GRID1: variants seen among roughly 807,000 people sequenced by gnomAD.
GRID1 encodes the protein glutamate receptor ionotropic, delta-1.
In GRID1, 28 loss-of-function variants were observed where a neutral mutation model predicts 98.0. The observed-to-expected ratio is 0.29, with a 90% CI of 0.21 to 0.39. The LOEUF (loss-of-function observed/expected upper bound fraction) is 0.39, where lower values mean the gene tolerates loss of function less well. GRID1 is among the 10% of genes least tolerant of loss of function. The pLI, the probability that GRID1 is intolerant of heterozygous loss-of-function variation, is 1.00. For synonymous variants in GRID1, 553 were observed against 538.5 expected, an observed-to-expected ratio of 1.03 and a Z score of -0.37; for missense variants, 1,111 against 1,340.5, an observed-to-expected ratio of 0.83 and a Z score of 2.67.
intron 12 of GRID1, among the ~76,000 whole-genome samples, chr10:85,659,188 T>C (rs1052368994): frequency 6.6e-6 from 1 of 152,212 alleles, no homozygotes; most frequent in Non-Finnish European, 1.5e-5. Context: ...TGTGTGTGCA[T>C]GCATAAATGT....
At chr10:86,086,636 A>G (rs1047612347) in intron 4 of GRID1, among the ~76,000 whole-genome samples, 1 of 152,034 alleles carries the variant, frequency 6.6e-6, no homozygotes, top group African/African-American at 2.4e-5. Context: ...GTGTGCAAGC[A>G]TGTGTGTGCA....
At chr10:85,751,984 G>A (rs187325038) in intron 8 of GRID1, among the ~76,000 whole-genome samples, 218 of 152,262 alleles carry the variant, frequency 1.4e-3, no homozygotes, top group African/African-American at 5.0e-3. Context: ...CTGCTAGTCA[G>A]CCTACTCTGA....
chr10:86,098,404 A>AGGATCCTCTATAACTT (rs1481065551), intron 4 of GRID1, among the ~76,000 whole-genome samples: 1 of 152,222 alleles, frequency 6.6e-6, no homozygotes. Flanking sequence ...CGGTCCCTGC[A>AGGATCCTCTATAACTT]GGATCCTCTA....
chr10:85,744,568 A>G (rs972639891), intron 8 of GRID1, among the ~76,000 whole-genome samples: 1 of 133,398 alleles, frequency 7.5e-6, no homozygotes, highest in Non-Finnish European at 1.6e-5. Context: ...ACAAAAATCA[A>G]TTCAAGATGG....
chr10:85,695,926 T>C (rs4488140), intron 12 of GRID1, among the ~76,000 whole-genome samples: 84,760 of 151,876 alleles, frequency 0.56, 24,207 homozygotes, highest in Middle Eastern at 0.67. Context: ...CAGGGATGCA[T>C]AATTTGTCAC....
At chr10:85,989,575 G>A (rs1842654359) in intron 4 of GRID1, among the ~76,000 whole-genome samples, 1 of 152,172 alleles carries the variant, frequency 6.6e-6, no homozygotes, top group Admixed American at 6.5e-5. Context: ...AAACCCTATT[G>A]TGAATTAAGC....
In GRID1 at chr10:86,083,919, C is replaced by T. The variant is rs559010670; in HGVS notation, c.726+54900G>A. 1.3e-4 allele frequency among the ~76,000 whole-genome samples: 20 copies of T among 152,330 alleles called. No homozygotes were observed. In the South Asian group the frequency reaches 1.7e-3, roughly 13 times the overall value. The stretch of plus-strand genomic sequence containing the variant: ...CAGGAGGCTGCTTTCTAGGGTTGCA[C>T]CCACACCCACAAAAAGCTTTCCAGG... On this transcript the variant is annotated intron_variant, in intron 4 of 15. Coordinates refer to ENST00000327946, the MANE Select transcript of GRID1 (RefSeq NM_017551.3).
chr10:85,803,727 T>C (rs979354925), intron 8 of GRID1, among the ~76,000 whole-genome samples: 1 of 152,054 alleles, frequency 6.6e-6, no homozygotes, highest in African/African-American at 2.4e-5. Flanking sequence ...ATGGTAAGTG[T>C]ATATATTTGT....
chr10:85,916,113 G>A lies in GRID1; in HGVS notation c.780+73C>T. On this transcript the variant is annotated intron_variant, in intron 5 of 15. Transcript: ENST00000327946. This position sits in a 1 kb window ranked among gnomAD's most constrained non-coding sequence, Gnocchi z 4.0. Reference sequence around the variant, plus strand: ...CCCTAAGTCAGAATTGAACTGAAAAGAATCACACTGAGCTTTACAAGGGGC... The same window carrying A: ...CCCTAAGTCAGAATTGAACTGAAAAAAATCACACTGAGCTTTACAAGGGGC... The A allele has an allele frequency of 8.7e-7, 1 of 1,153,984 alleles. No homozygotes were observed. The highest frequency in any genetic ancestry group is 1.3e-6 in the Non-Finnish European group (1 of 767,982). The allele number at this position is 1,153,984 out of a possible 1,614,324, so 71.5% of individuals were successfully genotyped here.
chr10:86,364,100 G>A lies in GRID1; in HGVS notation c.80-4C>T, dbSNP rs1265755269. 6.2e-7 allele frequency: 1 copy of A among 1,613,100 alleles called. No individual in the cohort carries two copies. Among genetic ancestry groups the A allele is most frequent in the Admixed American group, 1.7e-5 (1 of 59,974 alleles). On this transcript the variant is annotated splice_polypyrimidine_tract_variant and splice_region_variant and intron_variant, in intron 1 of 15. Transcript: ENST00000327946. The stretch of plus-strand genomic sequence containing the variant: ...GCGTTCTCCTCGAAGATGGCACCTG[G>A]AGGAGAGAAGGGATCAAGACCGGAC...
At chr10:86,294,398 A>T (rs866650281) in intron 2 of GRID1, among the ~76,000 whole-genome samples, 1 of 152,214 alleles carries the variant, frequency 6.6e-6, no homozygotes, top group South Asian at 2.1e-4. Context: ...TGGTGCCATG[A>T]TGAGAACAGA....
At chr10:85,629,129 T>G (rs906518287) in intron 13 of GRID1, among the ~76,000 whole-genome samples, 5 of 152,122 alleles carry the variant, frequency 3.3e-5, no homozygotes, top group African/African-American at 1.2e-4. Flanking sequence ...TAGAGTAACA[T>G]AGTCAATAGT....
chr10:85,818,508 A>C (rs552040579), intron 8 of GRID1, among the ~76,000 whole-genome samples: 45 of 152,354 alleles, frequency 3.0e-4, no homozygotes, highest in African/African-American at 9.4e-4. Flanking sequence ...AATACCACTG[A>C]AATAAGCCAG....
rs745444248 is a variant in GRID1, at chr10:85,875,633, CTA to C, written c.781-6455_781-6454del. 4.0e-4 allele frequency among the ~76,000 whole-genome samples: 61 copies of C among 151,902 alleles called. 1 individual carries two copies. In the Middle Eastern group the frequency reaches 0.024, roughly 59 times the overall value. On this transcript the variant is annotated intron_variant, in intron 5 of 15. Coordinates refer to ENST00000327946, the MANE Select transcript of GRID1 (RefSeq NM_017551.3). ...TACCTACCCTTGGCAGTTATGTTTT[CTA>C]TGTTATCTTTTATTGGTTATGCTAG... is the stretch of plus-strand genomic sequence containing the variant.
intron 8 of GRID1, among the ~76,000 whole-genome samples, chr10:85,853,531 G>A (rs1384309568): frequency 6.6e-6 from 1 of 151,062 alleles, no homozygotes; most frequent in Non-Finnish European, 1.5e-5. Context: ...ATTATTTCCG[G>A]AGAAGACCAA....
intron 4 of GRID1, among the ~76,000 whole-genome samples, chr10:86,054,177 C>T (rs1843542449): frequency 6.6e-6 from 1 of 151,948 alleles, no homozygotes; most frequent in Admixed American, 6.5e-5. Context: ...AAAAGAGCAA[C>T]TCTGAAGGCC....
At position 86,204,695 on chromosome 10, in the gene GRID1, T is replaced by C. The variant is rs552029689; in HGVS notation, c.520+1669A>G. 2.5e-3 allele frequency among the ~76,000 whole-genome samples: 382 copies of C among 152,200 alleles called. 3 individuals are homozygous for C. Among genetic ancestry groups the C allele is most frequent in the African/African-American group, 8.9e-3 (368 of 41,518 alleles). On this transcript the variant is annotated intron_variant, in intron 3 of 15. Transcript: ENST00000327946. The stretch of plus-strand genomic sequence containing the variant: ...CCAGCGGCTGAGGCTCCCATCAAGG[T>C]CGCCTCCCAGGCTCTAGGGGAAAAC...
chr10:85,762,103 A>G (rs754818441), intron 8 of GRID1, among the ~76,000 whole-genome samples: 3 of 152,164 alleles, frequency 2.0e-5, no homozygotes, highest in Non-Finnish European at 4.4e-5. Flanking sequence ...GCTTCAGATT[A>G]AGTGACACTC....
chr10:86,218,548 C>T, intron 2 of GRID1, among the ~76,000 whole-genome samples: 1 of 152,218 alleles, frequency 6.6e-6, no homozygotes, highest in African/African-American at 2.4e-5. Flanking sequence ...CCAGGGCAAC[C>T]TCCAGGCTTC....
Sources: gnomAD v4.1 joint callset for allele counts (sites outside exome capture counted in the v4.1 genomes callset) on GRCh38, gnomAD v4.1.1 for gene constraint, Gnocchi (gnomAD v3.1) non-coding constraint, MANE v1.5 for transcripts, NCBI Gene and HGNC (gene_info 2026-07-23, HGNC 2026-07-21) for gene names.